The following PDK1 variants were observed in gnomAD, a reference collection of about 807,000 sequenced individuals.
PDK1 encodes the protein pyruvate dehydrogenase kinase 1.
In PDK1, 39 loss-of-function variants were observed where a neutral mutation model predicts 54.2. The ratio of observed to expected loss-of-function variants is 0.72; its 90% CI spans 0.56 to 0.94. The LOEUF is 0.94. Among genes scored for constraint, PDK1 ranks in the 40% least tolerant of loss-of-function variants. The probability of loss-of-function intolerance (pLI) is 0.00; values close to 1 mark genes in which losing one functional copy is unlikely to be tolerated. For missense variants in PDK1, 552 were observed against 566.0 expected, an observed-to-expected ratio of 0.98 and a Z score of 0.25; for synonymous variants, 221 against 207.1, an observed-to-expected ratio of 1.07 and a Z score of -0.58.
chr2:172,672,809 A>T, the PDK1 span, among the ~76,000 whole-genome samples: 1 of 152,222 alleles, frequency 6.6e-6, no homozygotes, highest in Non-Finnish European at 1.5e-5. Flanking sequence ...TGTTCTTTAT[A>T]AGTCGCTCTG....
In PDK1 at chr2:172,570,742, C is replaced by T; in HGVS notation, c.863C>T (p.Thr288Ile). The T allele has an allele frequency of 6.2e-7, 1 of 1,604,822 alleles. No homozygotes were observed. The highest frequency in any genetic ancestry group is 8.5e-7 in the Non-Finnish European group (1 of 1,172,116). The change falls in exon 8 of 11, where the codon ACT (threonine) becomes ATT (isoleucine). Residue 288 changes from threonine to isoleucine, a missense_variant. By Grantham distance (89) the Thr-to-Ile change is moderately conservative. Coordinates refer to ENST00000282077, the MANE Select transcript of PDK1 (RefSeq NM_002610.5). ...GTATTTCAGAATGCAATGAGAGCCA[C>T]TATGGAACACCATGCCAACAGAGGT... ...FELFKNAMRATMEHHANRGVY... is the reference protein window; with the variant it reads ...FELFKNAMRAIMEHHANRGVY...
chr2:172,684,405 G>A, the PDK1 span, among the ~76,000 whole-genome samples: 2 of 152,100 alleles, frequency 1.3e-5, no homozygotes, highest in Admixed American at 1.3e-4. Flanking sequence ...CTGGGCAACA[G>A]AGTGAGACCC....
upstream of PDK1, chr2:172,555,430 C>T (rs1292118172): frequency 6.6e-6 from 1 of 152,142 alleles, no homozygotes. Flanking sequence ...AAACAGCTCA[C>T]TCAAAGGCAC....
At chr2:172,706,871 A>G in the PDK1 span, among the ~76,000 whole-genome samples, 2 of 152,208 alleles carry the variant, frequency 1.3e-5, no homozygotes, top group African/African-American at 4.8e-5. Context: ...CAGTGAGGGT[A>G]ACATTCCAGG....
the PDK1 span, among the ~76,000 whole-genome samples, chr2:172,661,758 A>G: frequency 1.3e-5 from 2 of 152,244 alleles, no homozygotes; most frequent in African/African-American, 4.8e-5. Context: ...CATGAGTTAC[A>G]CATGGACATA....
rs1449412302 is a variant in PDK1, at chr2:172,601,411, C to T, written c.*5442C>T. 6.6e-6 allele frequency: 1 copy of T among 152,148 alleles called. No homozygotes were observed. The highest frequency in any genetic ancestry group is 1.5e-5 in the Non-Finnish European group (1 of 68,016). The allele number at this position is 152,148 out of a possible 1,614,324, so 9.4% of individuals were successfully genotyped here. A position where few individuals can be genotyped will look rare whatever the true frequency, so the allele number is the denominator to read the frequency against. ...ATCTCATCTTGAATTATAATCTCAA[C>T]ATGTTAAGGGAGAGACCAGATGAAA... On this transcript the variant is annotated 3_prime_UTR_variant, in exon 11 of 11. Transcript: ENST00000282077.
Position 172,606,368 on chromosome 2 carries a change from C to T in PDK1, c.*10399C>T, listed in dbSNP as rs1383245393. The T allele has an allele frequency of 2.0e-5, 3 of 152,178 alleles. No individual in the cohort carries two copies. The highest frequency in any genetic ancestry group is 7.2e-5 in the African/African-American group (3 of 41,434). 9.4% of individuals were successfully genotyped at this position (152,178 alleles called of 1,614,324 possible). ...GCTAGGAGGATGTAATGAATACTTA[C>T]CATTTTTGTGGAAGCCCACAACCTT... On this transcript the variant is annotated 3_prime_UTR_variant, in exon 11 of 11. Transcript: ENST00000282077.
At chr2:172,556,430 G>T (rs1308684567) in intron 1 of PDK1, 84 bp downstream of exon 1, 37 of 1,068,002 alleles carry the variant, frequency 3.5e-5, no homozygotes, top group Admixed American at 3.9e-5. Flanking sequence ...GGTCGGCGCC[G>T]GCCAGCTCTC....
At chr2:172,669,001 A>G in the PDK1 span, among the ~76,000 whole-genome samples, 2 of 149,440 alleles carry the variant, frequency 1.3e-5, no homozygotes. Flanking sequence ...CTTACTTAAC[A>G]TAATGTCCCC....
chr2:172,655,897 A>AT, the PDK1 span, among the ~76,000 whole-genome samples: 52 of 152,198 alleles, frequency 3.4e-4, no homozygotes, highest in Admixed American at 2.0e-3. Flanking sequence ...ATGTACTTGA[A>AT]TGTAAAGAAG....
At chr2:172,699,694 A>G in the PDK1 span, among the ~76,000 whole-genome samples, 1 of 150,624 alleles carries the variant, frequency 6.6e-6, no homozygotes, top group Non-Finnish European at 1.5e-5. Flanking sequence ...TTAAGTGAAA[A>G]TTATTGCTCT....
chr2:172,599,429 T>A lies in PDK1; in HGVS notation c.*3460T>A, dbSNP rs1313822361. On this transcript the variant is annotated 3_prime_UTR_variant, in exon 11 of 11. Transcript: ENST00000282077. The stretch of plus-strand genomic sequence containing the variant: ...CAAAAATCAGCCAACTAATTTCAGT[T>A]TATGTCTTTAATTGTGATGTAAGTG... 1 of 152,116 alleles carries A rather than the reference T, an allele frequency of 6.6e-6. No homozygotes were observed. The highest frequency in any genetic ancestry group is 2.4e-5 in the African/African-American group (1 of 41,414). The allele number at this position is 152,116 out of a possible 1,614,324, so 9.4% of individuals were successfully genotyped here.
the PDK1 span, among the ~76,000 whole-genome samples, chr2:172,722,704 C>T: frequency 1.3e-4 from 20 of 152,202 alleles, no homozygotes; most frequent in Admixed American, 5.2e-4. Flanking sequence ...CAAAGAACTT[C>T]GTCATCCCTG....
chr2:172,655,573 T>G, the PDK1 span, among the ~76,000 whole-genome samples: 11 of 152,236 alleles, frequency 7.2e-5, no homozygotes, highest in African/African-American at 2.2e-4. Context: ...TTCTTGGTCA[T>G]TCTGGAAGCA....
Position 172,585,735 on chromosome 2 carries a change from G to A in PDK1, c.946-543G>A, listed in dbSNP as rs141704153. Among the ~76,000 whole-genome samples the A allele has an allele frequency of 1.8e-3, 278 of 152,142 alleles. 2 individuals are homozygous for A. Among genetic ancestry groups the A allele is most frequent in the African/African-American group, 5.0e-3 (206 of 41,510 alleles). On this transcript the variant is annotated intron_variant, in intron 8 of 10. Coordinates refer to ENST00000282077, the MANE Select transcript of PDK1 (RefSeq NM_002610.5). ...ATAATGCACTGTTAATGAGACTCCC[G>A]GAAATATACAAAGCCACAGCAGTAT...
chr2:172,572,341 T>A (rs1373688639), intron 8 of PDK1, among the ~76,000 whole-genome samples: 1 of 152,154 alleles, frequency 6.6e-6, no homozygotes, highest in African/African-American at 2.4e-5. Context: ...GTTCCTTTTT[T>A]AAAAAAGGTA....
rs773958965 is a variant in PDK1, at chr2:172,556,168, G to C, written c.18G>C (p.Leu6=). 1.7e-5 allele frequency: 24 copies of C among 1,415,226 alleles called. No individual in the cohort carries two copies. The South Asian group carries it at 2.1e-4, about 12-fold the overall frequency. The allele number at this position is 1,415,226 out of a possible 1,614,324, so 87.7% of individuals were successfully genotyped here. The change falls in exon 1 of 11, where the codon CTG becomes CTC. Residue 6 remains leucine, a synonymous_variant. Coordinates refer to ENST00000282077, the MANE Select transcript of PDK1 (RefSeq NM_002610.5). ...GACTCGGCATGAGGCTGGCGCGGCT[G>C]CTTCGCGGAGCCGCCTTGGCCGGCC... MRLAR[L]LRGAALAGPG...
rs760321987 is a variant in PDK1 at position 172,564,023 on chromosome 2, A to G, written c.411-480A>G. On this transcript the variant is annotated intron_variant, in intron 3 of 10. Coordinates refer to ENST00000282077, the MANE Select transcript of PDK1 (RefSeq NM_002610.5). ...GAATTCTTTTCTGTTTTTCTGTCCT[A>G]AGTGTTTCCTTCTCTCTTTGAACCC... 5 of 471,166 alleles carry G rather than the reference A, an allele frequency of 1.1e-5. No individual in the cohort carries two copies. In the East Asian group the frequency reaches 2.1e-4, roughly 20 times the overall value. The allele number at this position is 471,166 out of a possible 1,614,324, so 29.2% of individuals were successfully genotyped here.
the PDK1 span, among the ~76,000 whole-genome samples, chr2:172,663,272 A>T: frequency 6.6e-6 from 1 of 152,042 alleles, no homozygotes; most frequent in Non-Finnish European, 1.5e-5. Context: ...ATCATATTGG[A>T]TTAAGGCCCA....
Sources: allele counts gnomAD v4.1 joint callset (sites outside exome capture counted in the v4.1 genomes callset), GRCh38; gene constraint gnomAD v4.1.1; transcripts MANE v1.5; gene names NCBI Gene and HGNC (gene_info 2026-07-23, HGNC 2026-07-21).